COL25A1: variants seen among roughly 807,000 people sequenced by gnomAD.
COL25A1 encodes collagen type XXV alpha 1 chain, also known as collagen alpha-1(XXV) chain.
In COL25A1, 103 loss-of-function variants were observed where a neutral mutation model predicts 128.4. The ratio of observed to expected loss-of-function variants is 0.80; its 90% CI spans 0.68 to 0.94. COL25A1 has a LOEUF of 0.94. COL25A1 is among the 40% of genes least tolerant of loss of function. COL25A1 has a pLI of 0.00. For missense variants in COL25A1, 745 were observed against 840.0 expected (o/e 0.89, Z 1.40); for synonymous variants, 279 against 277.2 (o/e 1.01, Z -0.06).
intron 5 of COL25A1, among the ~76,000 whole-genome samples, chr4:109,022,612 G>A (rs1757878437): frequency 1.3e-5 from 2 of 152,130 alleles, no homozygotes; most frequent in Admixed American, 6.5e-5. Context: ...ACTTGAAAAT[G>A]CATCATAATT....
intron 3 of COL25A1, among the ~76,000 whole-genome samples, chr4:109,286,487 T>C (rs920320755): frequency 5.9e-5 from 9 of 152,148 alleles, no homozygotes; most frequent in African/African-American, 2.2e-4. Context: ...CTACCCTTCA[T>C]TTCCTGTTCT....
chr4:108,887,848 G>A (rs1048325497), intron 18 of COL25A1, among the ~76,000 whole-genome samples: 1 of 151,980 alleles, frequency 6.6e-6, no homozygotes, highest in Non-Finnish European at 1.5e-5. Context: ...CTGTCTTACA[G>A]ACTTTTTAGC....
intron 5 of COL25A1, among the ~76,000 whole-genome samples, chr4:109,033,307 A>G (rs1759043446): frequency 6.6e-6 from 1 of 152,252 alleles, no homozygotes; most frequent in Non-Finnish European, 1.5e-5. Context: ...TGGTTGTGCC[A>G]TTAGGCATGG....
At chr4:109,240,022 T>C (rs2126230192) in intron 3 of COL25A1, among the ~76,000 whole-genome samples, 1 of 152,162 alleles carries the variant, frequency 6.6e-6, no homozygotes, top group African/African-American at 2.4e-5. Context: ...TCAGGGGCAA[T>C]GACACATACG....
intron 8 of COL25A1, 71 bp downstream of exon 8, chr4:108,974,296 G>C: frequency 4.7e-6 from 7 of 1,500,192 alleles, no homozygotes; most frequent in Non-Finnish European, 6.5e-6. Context: ...TATGAAGCTG[G>C]GGTACTTTCA....
intron 3 of COL25A1, among the ~76,000 whole-genome samples, chr4:109,135,959 C>G (rs1769702475): frequency 6.6e-6 from 1 of 152,162 alleles, no homozygotes; most frequent in Admixed American, 6.5e-5. Context: ...TCAACAAGCA[C>G]ATAGTCTCAC....
chr4:109,156,353 C>T (rs1045891544), intron 3 of COL25A1, among the ~76,000 whole-genome samples: 1 of 152,186 alleles, frequency 6.6e-6, no homozygotes, highest in East Asian at 1.9e-4. Context: ...TGATTTTTTT[C>T]CCCCAAAGCC....
intron 6 of COL25A1, among the ~76,000 whole-genome samples, chr4:108,978,945 T>C (rs538356919): frequency 6.6e-5 from 10 of 152,232 alleles, no homozygotes; most frequent in Non-Finnish European, 1.5e-4. Context: ...ATATTTGATA[T>C]GATCTTTTGA....
At position 108,896,629 on chromosome 4, in the gene COL25A1, C is replaced by T. The variant is rs545740254; in HGVS notation, c.906+38G>A. On this transcript the variant is annotated intron_variant, in intron 16 of 37. Coordinates refer to ENST00000399132, the MANE Select transcript of COL25A1 (RefSeq NM_198721.4). The stretch of plus-strand genomic sequence containing the variant: ...TCATAAACTTGAAGTATATTTCTTG[C>T]TCACATATGTACCCTTTCATGTCTT... The T allele has an allele frequency of 2.1e-5, 33 of 1,586,080 alleles. No individual in the cohort carries two copies. The South Asian group carries it at 3.4e-4, about 17-fold the overall frequency.
chr4:108,831,292 C>T (rs1733068055), intron 32 of COL25A1, among the ~76,000 whole-genome samples: 1 of 151,892 alleles, frequency 6.6e-6, no homozygotes, highest in Non-Finnish European at 1.5e-5. Flanking sequence ...TAGGCTTTAC[C>T]TAAGTGGGAG....
At chr4:109,103,939 A>G (rs1579375430) in intron 3 of COL25A1, among the ~76,000 whole-genome samples, 1 of 152,356 alleles carries the variant, frequency 6.6e-6, no homozygotes, top group East Asian at 1.9e-4. Context: ...AAAGAAAAAG[A>G]CTTAAATGGG....
intron 5 of COL25A1, among the ~76,000 whole-genome samples, chr4:109,019,753 G>C (rs899033630): frequency 1.3e-5 from 2 of 152,068 alleles, no homozygotes; most frequent in Admixed American, 6.6e-5. Context: ...TGGGGATACA[G>C]AGCCAAACCA....
intron 3 of COL25A1, among the ~76,000 whole-genome samples, chr4:109,090,467 C>A (rs1405176876): frequency 6.6e-6 from 1 of 152,090 alleles, no homozygotes; most frequent in African/African-American, 2.4e-5. Flanking sequence ...AGTCAAGAGG[C>A]TGTTAGGAAA....
chr4:109,251,439 TG>T (rs1780638466), intron 3 of COL25A1, among the ~76,000 whole-genome samples: 1 of 152,182 alleles, frequency 6.6e-6, no homozygotes, highest in African/African-American at 2.4e-5. Context: ...TCACAGGGCA[TG>T]GTAGACTAAG....
At chr4:108,817,967 G>A (rs1414325512) in intron 36 of COL25A1, among the ~76,000 whole-genome samples, 1 of 152,084 alleles carries the variant, frequency 6.6e-6, no homozygotes, top group African/African-American at 2.4e-5. Context: ...AATTGAATTA[G>A]AGGACAGGCA....
intron 11 of COL25A1, among the ~76,000 whole-genome samples, chr4:108,926,419 CCCAAAACTATTAAG>C (rs1267787481): frequency 6.6e-6 from 1 of 152,074 alleles, no homozygotes; most frequent in African/African-American, 2.4e-5. Flanking sequence ...AGGATAAAAG[CCCAAAACTATTAAG>C]CCATTTAAAA....
intron 8 of COL25A1, among the ~76,000 whole-genome samples, chr4:108,957,763 G>C (rs190796200): frequency 9.5e-4 from 145 of 152,192 alleles, no homozygotes; most frequent in African/African-American, 3.0e-3. Context: ...GGGTGAAGTG[G>C]GTTTGTTTTG....
intron 6 of COL25A1, among the ~76,000 whole-genome samples, chr4:108,989,280 C>T (rs779668364): frequency 2.6e-5 from 4 of 152,232 alleles, no homozygotes; most frequent in South Asian, 4.1e-4. Flanking sequence ...TTGTGCAGTG[C>T]ACAGTGTGCA....
At chr4:108,889,417 A>ATTTT (rs34358532) in intron 17 of COL25A1, among the ~76,000 whole-genome samples, 161 bp from the exon 18 acceptor site, 4 of 130,478 alleles carry the variant, frequency 3.1e-5, no homozygotes, top group African/African-American at 5.7e-5. Flanking sequence ...AGACATACGG[A>ATTTT]TTTTTTTTTT....
Sources: allele counts gnomAD v4.1 joint callset (sites outside exome capture counted in the v4.1 genomes callset), GRCh38; gene constraint gnomAD v4.1.1; transcripts MANE v1.5; gene names NCBI Gene and HGNC (gene_info 2026-07-23, HGNC 2026-07-21).